The following GIT2 variants were observed in gnomAD, a reference collection of about 807,000 sequenced individuals.
GIT2 encodes GIT ArfGAP 2.
GIT2 carries 32 observed loss-of-function variants against 100.3 expected under a neutral mutation model. The ratio of observed to expected loss-of-function variants is 0.32; its 90% CI spans 0.24 to 0.43. The LOEUF is 0.43. GIT2 is among the 20% of genes least tolerant of loss of function. The pLI is 1.00. For synonymous variants in GIT2, 353 were observed against 364.1 expected (o/e 0.97, Z 0.35); for missense variants, 737 against 975.1 (o/e 0.76, Z 3.25).
At chr12:109,971,684 T>C (rs1323162074) in intron 7 of GIT2, among the ~76,000 whole-genome samples, 1 of 151,874 alleles carries the variant, frequency 6.6e-6, no homozygotes, top group African/African-American at 2.4e-5. Context: ...TGCTCACTGC[T>C]AGTCTAAAGA....
At position 109,933,023 on chromosome 12, in the gene GIT2, A is replaced by C. The variant is rs778688948; in HGVS notation, c.2235T>G (p.Ala745=). The C allele has an allele frequency of 3.5e-4, 571 of 1,613,708 alleles. No individual in the cohort carries two copies. The highest frequency in any genetic ancestry group is 4.7e-4 in the Non-Finnish European group (551 of 1,179,668). The change falls in exon 20 of 20, where the codon GCT becomes GCG. Residue 745 remains alanine (A), a synonymous_variant. Coordinates refer to ENST00000355312, the MANE Select transcript of GIT2 (RefSeq NM_057169.5). The surrounding 1 kb of genome is among the most constrained non-coding windows in gnomAD (Gnocchi z 4.5). ...VIQCAYDIAK[A]AKQLVTITTK... Reference sequence around the variant, plus strand: ...TGGTGATGGTAACCAGCTGCTTGGCAGCCTTGGCGATGTCGTACGCACACT... The same window carrying C: ...TGGTGATGGTAACCAGCTGCTTGGCCGCCTTGGCGATGTCGTACGCACACT...
intron 12 of GIT2, among the ~76,000 whole-genome samples, chr12:109,957,266 C>A (rs1477064667): frequency 1.3e-5 from 2 of 152,054 alleles, no homozygotes; most frequent in East Asian, 3.9e-4. Flanking sequence ...GAGCCTGGCA[C>A]CTCCCTCCTC....
chr12:109,961,849 G>T (rs1189032594), intron 9 of GIT2, among the ~76,000 whole-genome samples, 164 bp from the exon 10 acceptor site: 1 of 152,050 alleles, frequency 6.6e-6, no homozygotes, highest in Non-Finnish European at 1.5e-5. Context: ...AATCGTACAG[G>T]GCCTCTAGAA....
At chr12:109,956,482 CAT>C (rs1157072198) in intron 12 of GIT2, among the ~76,000 whole-genome samples, 4 of 152,196 alleles carry the variant, frequency 2.6e-5, no homozygotes, top group Non-Finnish European at 2.9e-5. Flanking sequence ...CAGCTGGAAA[CAT>C]GTGCTTTTGG....
intron 12 of GIT2, among the ~76,000 whole-genome samples, chr12:109,959,319 C>T (rs999547278): frequency 6.6e-6 from 1 of 152,062 alleles, no homozygotes; most frequent in African/African-American, 2.4e-5. Flanking sequence ...CCACCTGCCT[C>T]GGCCTCCCAA....
In GIT2 at chr12:109,933,361, G is replaced by GT. The variant is rs1250958423; in HGVS notation, c.2068-172dup. 1.8e-6 allele frequency: 1 copy of GT among 557,606 alleles called. No individual in the cohort carries two copies. The highest frequency in any genetic ancestry group is 3.2e-6 in the Non-Finnish European group (1 of 313,058). The allele number at this position is 557,606 out of a possible 1,614,324, so 34.5% of individuals were successfully genotyped here. A position where few individuals can be genotyped will look rare whatever the true frequency, so the allele number is the denominator to read the frequency against. On this transcript the variant is annotated intron_variant, in intron 19 of 19. Coordinates refer to ENST00000355312, the MANE Select transcript of GIT2 (RefSeq NM_057169.5). This position sits in a 1 kb window ranked among gnomAD's most constrained non-coding sequence, Gnocchi z 4.5. ...CACTCCAAGCTTTGCAGCCCACAGCGTAAGAGATGCTGAAATATTCTGATT... is the reference window on the plus strand; with the variant it reads ...CACTCCAAGCTTTGCAGCCCACAGCGTTAAGAGATGCTGAAATATTCTGATT...
Position 109,953,158 on chromosome 12 carries a change from A to G in GIT2, c.1176T>C (p.Tyr392=), listed in dbSNP as rs1223568625. The G allele has an allele frequency of 6.2e-7, 1 of 1,613,968 alleles. No individual in the cohort carries two copies. The highest frequency in any genetic ancestry group is 1.3e-5 in the African/African-American group (1 of 74,906). The part of the protein sequence containing the change: ...VESQDNDQPD[Y]DSVASDEDTD... ...TGTCTTCGTCTGATGCCACGCTGTC[A>G]TAGTCGGGCTGATCGTTGTCTTGAC... The change falls in exon 13 of 20, where the codon TAT becomes TAC. Residue 392 remains tyrosine, a synonymous_variant. Transcript: ENST00000355312.
intron 7 of GIT2, among the ~76,000 whole-genome samples, chr12:109,968,505 C>A (rs1356039054): frequency 6.6e-6 from 1 of 152,082 alleles, no homozygotes; most frequent in East Asian, 1.9e-4. Context: ...CTCACCGCAA[C>A]CTCCGCCTCC....
At chr12:109,970,263 G>A (rs909728949) in intron 7 of GIT2, among the ~76,000 whole-genome samples, 4 of 152,094 alleles carry the variant, frequency 2.6e-5, no homozygotes, top group African/African-American at 9.7e-5. Context: ...GGAGGCCGAT[G>A]CGGGCAGTTC....
intron 12 of GIT2, 192 bp from the exon 13 acceptor site, chr12:109,953,426 C>G (rs759977049): frequency 1.7e-6 from 1 of 573,744 alleles, no homozygotes; most frequent in Admixed American, 3.0e-5. Flanking sequence ...TGAGACCTAC[C>G]TAGGCAACAC....
intron 4 of GIT2, among the ~76,000 whole-genome samples, chr12:109,985,578 G>A (rs892858165): frequency 1.4e-4 from 22 of 152,096 alleles, no homozygotes; most frequent in Non-Finnish European, 5.9e-5. Flanking sequence ...GGCCAGGCGC[G>A]GTGGCTCATG....
chr12:109,971,454 T>C (rs1883850428), intron 7 of GIT2, among the ~76,000 whole-genome samples: 1 of 151,838 alleles, frequency 6.6e-6, no homozygotes, highest in African/African-American at 2.4e-5. Context: ...GCCTCCCGAA[T>C]AGCTGGGACT....
Position 109,933,172 on chromosome 12 carries a change from C to T in GIT2, c.2086G>A (p.Val696Met). 1 of 1,559,700 alleles carries T rather than the reference C, an allele frequency of 6.4e-7. No individual in the cohort carries two copies. Among genetic ancestry groups the T allele is most frequent in the South Asian group, 1.2e-5 (1 of 85,860 alleles). The change falls in exon 20 of 20, where the codon GTG becomes ATG. Residue 696 changes from valine to methionine, a missense_variant. Val to Met is a conservative substitution (Grantham distance 21). This residue lies in a region of GIT2 where 451 missense variants were observed against 543.7 expected (regional missense o/e 0.83). Coordinates refer to ENST00000355312, the MANE Select transcript of GIT2 (RefSeq NM_057169.5). The surrounding 1 kb of genome is among the most constrained non-coding windows in gnomAD (Gnocchi z 4.5). ...GTCAGTAAACGAAGGGAAGTCCTCA[C>T]CATATCAGACTTGGGTTTCTAAAAG... ...LFPKKPKSDM[V>M]RTSLRLLTSS...
chr12:109,987,117 T>C (rs1260888161), intron 4 of GIT2, among the ~76,000 whole-genome samples: 1 of 151,754 alleles, frequency 6.6e-6, no homozygotes, highest in African/African-American at 2.4e-5. Flanking sequence ...GCGCGGTGGC[T>C]CCTGCCTGTA....
intron 7 of GIT2, among the ~76,000 whole-genome samples, chr12:109,974,216 G>A (rs944476163): frequency 8.6e-5 from 13 of 151,850 alleles, no homozygotes; most frequent in Admixed American, 2.6e-4. Flanking sequence ...CTCTTAGATC[G>A]ATGGATTAGT....
In GIT2 at chr12:109,996,292, C is replaced by T; in HGVS notation, c.-68G>A. On this transcript the variant is annotated 5_prime_UTR_variant, in exon 1 of 20. Coordinates refer to ENST00000355312, the MANE Select transcript of GIT2 (RefSeq NM_057169.5). ...AGCAAAGGCGGCGGTGGCGGCGGCG[C>T]TTCCGCTCTAACGGGTCCCAGCTGC... 1 of 1,155,588 alleles carries T rather than the reference C, an allele frequency of 8.7e-7. No individual in the cohort carries two copies. Among genetic ancestry groups the T allele is most frequent in the East Asian group, 2.9e-5 (1 of 34,990 alleles). The allele number at this position is 1,155,588 out of a possible 1,614,324, so 71.6% of individuals were successfully genotyped here. A position where few individuals can be genotyped will look rare whatever the true frequency, so the allele number is the denominator to read the frequency against.
intron 7 of GIT2, among the ~76,000 whole-genome samples, chr12:109,970,834 G>C (rs759451969): frequency 6.6e-6 from 1 of 152,324 alleles, no homozygotes; most frequent in Admixed American, 6.5e-5. Context: ...CTGTTGCCAA[G>C]GCTAGAGTGC....
chr12:109,943,862 T>C (rs1875524331), intron 16 of GIT2, among the ~76,000 whole-genome samples: 1 of 152,010 alleles, frequency 6.6e-6, no homozygotes. Flanking sequence ...CGGATAATTT[T>C]TTATATTTTT....
chr12:109,937,798 G>A (rs543078069), intron 18 of GIT2, among the ~76,000 whole-genome samples: 1 of 152,274 alleles, frequency 6.6e-6, no homozygotes, highest in South Asian at 2.1e-4. Flanking sequence ...CGCCTCCAGG[G>A]TTCCAGAAAT....
Sources: gnomAD v4.1 joint callset for allele counts (sites outside exome capture counted in the v4.1 genomes callset) on GRCh38, gnomAD v4.1.1 for gene constraint, gnomAD v4.1.1 regional missense constraint, Gnocchi (gnomAD v3.1) non-coding constraint, MANE v1.5 for transcripts, NCBI Gene and HGNC (gene_info 2026-07-23, HGNC 2026-07-21) for gene names.